The following CREBBP variants were observed in gnomAD, a reference collection of about 807,000 sequenced individuals.
CREBBP encodes CREB-binding protein.
Under a neutral mutation model 265.0 loss-of-function variants are expected in CREBBP, and 19 were observed. The observed-to-expected ratio is 0.07, with a 90% confidence interval of 0.05 to 0.11. The LOEUF (loss-of-function observed/expected upper bound fraction) is 0.11. CREBBP is among the 10% of genes least tolerant of loss of function. The pLI, the probability that CREBBP is intolerant of heterozygous loss-of-function variation, is 1.00. For synonymous variants in CREBBP, 1,457 were observed against 1,223.7 expected (o/e 1.19, Z -3.98); for missense variants, 2,525 against 3,219.0 (o/e 0.78, Z 5.22).
rs767191742 is a variant in CREBBP at position 3,767,857 on chromosome 16, A to C, written c.3113T>G (p.Ile1038Arg). 3 of 1,613,994 alleles carry C rather than the reference A, an allele frequency of 1.9e-6. No homozygotes were observed. Among genetic ancestry groups the C allele is most frequent in the Middle Eastern group, 3.3e-4 (2 of 6,084 alleles). Reference protein sequence around the residue: ...GASQVKEETDIAEQKSEPMEV... With the variant: ...GASQVKEETDRAEQKSEPMEV... The stretch of plus-strand genomic sequence containing the variant: ...CATTGGTTCTGATTTCTGCTCTGCT[A>C]TGTCTGTTTCTTCTTTAACTTGGGA... Residue 1038 changes from isoleucine (I) to arginine (R), a missense_variant, in exon 16 of 31, where the codon ATA becomes AGA. Physicochemically the swap from Ile to Arg is moderately conservative, Grantham distance 97 (BLOSUM62 -3). Around this residue, in one of 19 missense-constraint regions of CREBBP, gnomAD observed 548 missense variants for 533.0 expected, o/e 1.03. Transcript: ENST00000262367.
At chr16:3,814,215 C>CTCTGTG (rs2053993534) in intron 2 of CREBBP, among the ~76,000 whole-genome samples, 1 of 104,000 alleles carries the variant, frequency 9.6e-6, no homozygotes, top group Non-Finnish European at 2.0e-5. Context: ...GAGTCTCGTT[C>CTCTGTG]TGTGTGTGTG....
At chr16:3,859,986 C>A (rs1286719532) in intron 1 of CREBBP, among the ~76,000 whole-genome samples, 4 of 152,104 alleles carry the variant, frequency 2.6e-5, no homozygotes, top group African/African-American at 9.7e-5. Context: ...GTCAGAAGCA[C>A]AGGTAAAACA....
At chr16:3,756,335 C>T (rs762690917) in intron 19 of CREBBP, among the ~76,000 whole-genome samples, 1 of 152,266 alleles carries the variant, frequency 6.6e-6, no homozygotes, top group Non-Finnish European at 1.5e-5. Flanking sequence ...ATGGTGCGCT[C>T]ACACTGCAGC....
rs919983062 is a variant in CREBBP at position 3,880,139 on chromosome 16, GGCC to G, written c.-226_-224del. On this transcript the variant is annotated 5_prime_UTR_variant, in exon 1 of 31. Coordinates refer to ENST00000262367, the MANE Select transcript of CREBBP (RefSeq NM_004380.3). ...CCCGCAGCGCTCACCGCCCGCCCCC[GGCC>G]GCCGCCGCCGCCGCCGGCCGCGGCC... is the stretch of plus-strand genomic sequence containing the variant. 22 of 151,464 alleles carry G rather than the reference GGCC, an allele frequency of 1.5e-4. No homozygotes were observed. Among genetic ancestry groups the G allele is most frequent in the South Asian group, 7.3e-4 (4 of 5,474 alleles). The allele number at this position is 151,464 out of a possible 1,614,324, so 9.4% of individuals were successfully genotyped here. A position where few individuals can be genotyped will look rare whatever the true frequency, so the allele number is the denominator to read the frequency against.
Position 3,738,570 on chromosome 16 carries a change from C to G in CREBBP, c.4383G>C (p.Val1461=). ...TAATCCAAACTCACCCTAATTTCTTCACATACTCTAAATATCCAATAAGGA... is the reference window on the plus strand; with the variant it reads ...TAATCCAAACTCACCCTAATTTCTTGACATACTCTAAATATCCAATAAGGA... ...HEILIGYLEY[V]KKLGYVTGHI... Residue 1461 remains valine (V), a synonymous_variant, in exon 26 of 31, where the codon GTG becomes GTC. Coordinates refer to ENST00000262367, the MANE Select transcript of CREBBP (RefSeq NM_004380.3). The G allele has an allele frequency of 6.2e-7, 1 of 1,606,930 alleles. No homozygotes were observed. Among genetic ancestry groups the G allele is most frequent in the Non-Finnish European group, 8.5e-7 (1 of 1,173,466 alleles).
rs765395551 is a variant in CREBBP at position 3,793,368 on chromosome 16, T to G, written c.1216+18A>C. 1 of 1,613,736 alleles carries G rather than the reference T, an allele frequency of 6.2e-7. No homozygotes were observed. Among genetic ancestry groups the G allele is most frequent in the Non-Finnish European group, 8.5e-7 (1 of 1,179,952 alleles). ...CTTCCTGACCTCTACCACTAGGAGTTCCAAAAACAGCACTTACCTTGGCAG... is the reference window on the plus strand; with the variant it reads ...CTTCCTGACCTCTACCACTAGGAGTGCCAAAAACAGCACTTACCTTGGCAG... On this transcript the variant is annotated intron_variant, in intron 4 of 30. Transcript: ENST00000262367.
At chr16:3,759,414 C>T (rs2052658945) in intron 16 of CREBBP, among the ~76,000 whole-genome samples, 1 of 152,052 alleles carries the variant, frequency 6.6e-6, no homozygotes, top group Middle Eastern at 3.4e-3. Context: ...CGTAGTGAAA[C>T]CTCGTCTCTA....
chr16:3,772,853 TGAG>T lies in CREBBP; in HGVS notation c.2463+895_2463+897del, dbSNP rs1273601063. 2.1e-5 allele frequency among the ~76,000 whole-genome samples: 3 copies of T among 144,576 alleles called. No individual in the cohort carries two copies. In the East Asian group the frequency reaches 6.0e-4, roughly 29 times the overall value. The allele number at this position is 144,576 out of a possible 152,430, so 94.8% of individuals were successfully genotyped here. ...GGGAGGCCGAGGTGGGTGGATCACC[TGAG>T]GTCAGGAGATCGAGATCAGCCTGGC... On this transcript the variant is annotated intron_variant, in intron 13 of 30. Coordinates refer to ENST00000262367, the MANE Select transcript of CREBBP (RefSeq NM_004380.3).
At chr16:3,849,373 T>C (rs902816020) in intron 2 of CREBBP, among the ~76,000 whole-genome samples, 52 of 133,652 alleles carry the variant, frequency 3.9e-4, no homozygotes, top group African/African-American at 1.6e-3. Context: ...AGCAGAGCTC[T>C]TGGCCGTGTG....
rs1203737702 is a variant in CREBBP at position 3,773,733 on chromosome 16, C to A, written c.2463+18G>T. 1.9e-6 allele frequency: 3 copies of A among 1,612,978 alleles called. No homozygotes were observed. The highest frequency in any genetic ancestry group is 2.2e-5 in the East Asian group (1 of 44,868). ...ATTTTATTTCCTAGGGAGCCACGGT[C>A]CCAGTGGGGCACAGTACCTGTGACA... On this transcript the variant is annotated intron_variant, in intron 13 of 30. Coordinates refer to ENST00000262367, the MANE Select transcript of CREBBP (RefSeq NM_004380.3).
At chr16:3,753,842 A>C (rs1456238582) in intron 19 of CREBBP, among the ~76,000 whole-genome samples, 1 of 152,212 alleles carries the variant, frequency 6.6e-6, no homozygotes. Context: ...GCCAACTAGA[A>C]GGGACCGTTC....
chr16:3,786,799 AG>A (rs1260088045), intron 5 of CREBBP, among the ~76,000 whole-genome samples: 2 of 152,142 alleles, frequency 1.3e-5, no homozygotes, highest in Non-Finnish European at 2.9e-5. Flanking sequence ...GAATTTATTC[AG>A]GTGGCTCACG....
At chr16:3,791,287 A>T (rs566660296) in intron 5 of CREBBP, 1 of 152,912 alleles carries the variant, frequency 6.5e-6, no homozygotes, top group African/African-American at 2.4e-5. Context: ...CCAGAGCCCC[A>T]GGCGGACCTC....
chr16:3,847,015 C>G (rs2054681879), intron 2 of CREBBP, among the ~76,000 whole-genome samples: 1 of 152,190 alleles, frequency 6.6e-6, no homozygotes, highest in Non-Finnish European at 1.5e-5. Context: ...AGAATCTAAT[C>G]CATGACACAT....
chr16:3,834,111 A>C (rs1701927804), intron 2 of CREBBP, among the ~76,000 whole-genome samples: 1 of 152,210 alleles, frequency 6.6e-6, no homozygotes, highest in African/African-American at 2.4e-5. Flanking sequence ...GAACACTGTC[A>C]ACACGAAATG....
Position 3,740,217 on chromosome 16 carries a change from C to A in CREBBP, c.4133+182G>T, listed in dbSNP as rs553147798. ...GTCTCTCTCTCAAAATAGCTTACTG[C>A]ACTGTATAGGGTAACTAAAACCCCA... On this transcript the variant is annotated intron_variant, in intron 24 of 30. Coordinates refer to ENST00000262367, the MANE Select transcript of CREBBP (RefSeq NM_004380.3). 2.8e-3 allele frequency among the ~76,000 whole-genome samples: 427 copies of A among 152,346 alleles called. 1 individual carries two copies. The highest frequency in any genetic ancestry group is 4.2e-3 in the Non-Finnish European group (283 of 68,044).
At position 3,844,807 on chromosome 16, in the gene CREBBP, CAGTT is replaced by C. The variant is rs2054632656; in HGVS notation, c.798+5486_798+5489del. 2.6e-5 allele frequency among the ~76,000 whole-genome samples: 4 copies of C among 152,246 alleles called. No homozygotes were observed. In the South Asian group the frequency reaches 8.3e-4, roughly 32 times the overall value. On this transcript the variant is annotated intron_variant, in intron 2 of 30. Coordinates refer to ENST00000262367, the MANE Select transcript of CREBBP (RefSeq NM_004380.3). Reference sequence around the variant, plus strand: ...AACATCTTTCCTATATTAAAATAGCCAGTTAGATAATGAAATATAACTCATCACC... The same window carrying C: ...AACATCTTTCCTATATTAAAATAGCCAGATAATGAAATATAACTCATCACC...
rs751483136 is a variant in CREBBP, at chr16:3,727,702, T to C, written c.*16A>G. 6.2e-7 allele frequency: 1 copy of C among 1,613,760 alleles called. No individual in the cohort carries two copies. The highest frequency in any genetic ancestry group is 1.3e-5 in the African/African-American group (1 of 74,924). ...GTCCAAGAACATGAAAGGGAAAAGG[T>C]GATGCTCTCACAATGCTACAAGCCC... is the stretch of plus-strand genomic sequence containing the variant. On this transcript the variant is annotated 3_prime_UTR_variant, in exon 31 of 31. Coordinates refer to ENST00000262367, the MANE Select transcript of CREBBP (RefSeq NM_004380.3).
chr16:3,759,882 T>C (rs970040411), intron 16 of CREBBP, among the ~76,000 whole-genome samples: 1 of 152,122 alleles, frequency 6.6e-6, no homozygotes, highest in Admixed American at 6.5e-5. Context: ...TTCAAGATGG[T>C]ACATTCATAC....
Sources: gnomAD v4.1 joint callset for allele counts (sites outside exome capture counted in the v4.1 genomes callset) on GRCh38, gnomAD v4.1.1 for gene constraint, gnomAD v4.1.1 regional missense constraint, MANE v1.5 for transcripts, NCBI Gene and HGNC (gene_info 2026-07-23, HGNC 2026-07-21) for gene names.